CPQ: variants seen among roughly 807,000 people sequenced by gnomAD.
CPQ encodes the protein carboxypeptidase Q, also known as Ser-Met dipeptidase.
A neutral mutation model predicts 45.7 loss-of-function variants in CPQ; 37 were observed. That is an observed-to-expected ratio of 0.81 (90% CI 0.62 to 1.07). The LOEUF (loss-of-function observed/expected upper bound fraction) is 1.07, where lower values mean the gene tolerates loss of function less well. Among genes scored for constraint, CPQ ranks in the 50% least tolerant of loss-of-function variants. The probability of loss-of-function intolerance (pLI) is 0.00; values close to 1 mark genes in which losing one functional copy is unlikely to be tolerated. For synonymous variants in CPQ, 186 were observed against 205.8 expected, an observed-to-expected ratio of 0.90 and a Z score of 0.82; for missense variants, 537 against 572.9, an observed-to-expected ratio of 0.94 and a Z score of 0.64.
At chr8:96,645,678 A>T (rs994847589) in intron 1 of CPQ, among the ~76,000 whole-genome samples, 2 of 152,018 alleles carry the variant, frequency 1.3e-5, no homozygotes, top group African/African-American at 4.8e-5. Flanking sequence ...GCTGCGGGAC[A>T]GCAGCGAGCA....
Position 96,792,953 on chromosome 8 carries a change from C to T in CPQ, c.433+7623C>T, listed in dbSNP as rs146097831. Among the ~76,000 whole-genome samples, 140 of 152,058 alleles carry T rather than the reference C, an allele frequency of 9.2e-4. No individual in the cohort carries two copies. The East Asian group carries it at 0.02, about 22-fold the overall frequency. The stretch of plus-strand genomic sequence containing the variant: ...GCGGAAGGAGAGAATGAGTGGCAAG[C>T]GAAGGGGAAAGATGGTTATACAACC... On this transcript the variant is annotated intron_variant, in intron 2 of 7. Coordinates refer to ENST00000220763, the MANE Select transcript of CPQ (RefSeq NM_016134.4).
chr8:96,739,166 G>C (rs1287235620), intron 1 of CPQ, among the ~76,000 whole-genome samples: 4 of 146,878 alleles, frequency 2.7e-5, no homozygotes, highest in African/African-American at 1.0e-4. Context: ...ACTGGTGTGA[G>C]ATGGTATCTC....
chr8:96,962,787 A>G (rs1231508212), intron 4 of CPQ, among the ~76,000 whole-genome samples: 1 of 152,200 alleles, frequency 6.6e-6, no homozygotes, highest in African/African-American at 2.4e-5. Context: ...TATTTGGAAA[A>G]TTCAAGTTCA....
At chr8:96,804,793 G>C (rs1190681807) in intron 2 of CPQ, among the ~76,000 whole-genome samples, 1 of 150,922 alleles carries the variant, frequency 6.6e-6, no homozygotes, top group African/African-American at 2.4e-5. Flanking sequence ...AGTGACAAAA[G>C]TATTTACAAA....
chr8:96,775,257 T>C (rs961155291), intron 1 of CPQ, among the ~76,000 whole-genome samples: 4 of 152,224 alleles, frequency 2.6e-5, no homozygotes, highest in East Asian at 3.8e-4. Context: ...TTGTAATGCC[T>C]TCTTTATTAT....
chr8:96,908,138 G>C (rs865905552), intron 4 of CPQ, among the ~76,000 whole-genome samples: 222 of 132,938 alleles, frequency 1.7e-3, no homozygotes, highest in African/African-American at 6.0e-3. Context: ...GTGTGTGTGT[G>C]TGTGTCTGTG....
chr8:96,829,133 G>C (rs1811413565), intron 2 of CPQ, among the ~76,000 whole-genome samples: 1 of 152,046 alleles, frequency 6.6e-6, no homozygotes, highest in Non-Finnish European at 1.5e-5. Flanking sequence ...TTTGCTTGTG[G>C]CTTGTCCTCA....
At chr8:96,955,206 T>C (rs1450109348) in intron 4 of CPQ, among the ~76,000 whole-genome samples, 1 of 152,168 alleles carries the variant, frequency 6.6e-6, no homozygotes, top group Non-Finnish European at 1.5e-5. Context: ...TAGTTTACAG[T>C]CCCACCAACA....
intron 1 of CPQ, among the ~76,000 whole-genome samples, chr8:96,766,973 T>C (rs998450066): frequency 5.3e-5 from 8 of 152,188 alleles, no homozygotes; most frequent in Admixed American, 4.6e-4. Context: ...CACCTTCTTA[T>C]GTTGCAAATC....
intron 6 of CPQ, among the ~76,000 whole-genome samples, chr8:97,032,866 T>C (rs1809933459): frequency 6.6e-6 from 1 of 152,224 alleles, no homozygotes; most frequent in Non-Finnish European, 1.5e-5. Flanking sequence ...TTTTAAATAA[T>C]GTACTAAAAG....
intron 1 of CPQ, among the ~76,000 whole-genome samples, chr8:96,718,923 T>C (rs1809724472): frequency 6.6e-6 from 1 of 152,150 alleles, no homozygotes; most frequent in Non-Finnish European, 1.5e-5. Context: ...TTACAAACCT[T>C]GAGCTAGATA....
intron 7 of CPQ, among the ~76,000 whole-genome samples, chr8:97,124,565 T>G (rs1378095877): frequency 6.6e-6 from 1 of 152,178 alleles, no homozygotes; most frequent in Non-Finnish European, 1.5e-5. Context: ...GGATTAAAAT[T>G]ATATGAGGTC....
intron 7 of CPQ, among the ~76,000 whole-genome samples, chr8:97,111,731 G>T (rs749601665): frequency 6.6e-6 from 1 of 152,178 alleles, no homozygotes; most frequent in Non-Finnish European, 1.5e-5. Flanking sequence ...GCCTCATGTC[G>T]TCAGTGCAGG....
intron 2 of CPQ, among the ~76,000 whole-genome samples, chr8:96,826,172 C>T (rs1811376710): frequency 6.6e-6 from 1 of 152,030 alleles, no homozygotes; most frequent in Non-Finnish European, 1.5e-5. Context: ...GGTGTTAGAT[C>T]ACTTAACACT....
intron 7 of CPQ, among the ~76,000 whole-genome samples, chr8:97,106,098 G>A (rs934031030): frequency 6.6e-6 from 1 of 152,162 alleles, no homozygotes; most frequent in Non-Finnish European, 1.5e-5. Flanking sequence ...TGAATCAAGT[G>A]GATTACATAC....
intron 5 of CPQ, among the ~76,000 whole-genome samples, chr8:96,966,793 T>C (rs1813574404): frequency 1.3e-5 from 2 of 152,204 alleles, no homozygotes; most frequent in South Asian, 2.1e-4. Flanking sequence ...GTATATACAC[T>C]TTTACCATAA....
chr8:96,985,033 G>C (rs1235307839), intron 5 of CPQ, among the ~76,000 whole-genome samples: 1 of 152,022 alleles, frequency 6.6e-6, no homozygotes, highest in East Asian at 1.9e-4. Context: ...CGTTTACTTT[G>C]TTCCATCTTT....
intron 7 of CPQ, among the ~76,000 whole-genome samples, chr8:97,115,599 C>G (rs1811571700): frequency 6.6e-6 from 1 of 152,178 alleles, no homozygotes; most frequent in Non-Finnish European, 1.5e-5. Flanking sequence ...TTGATCAGTA[C>G]CTGACTTAGC....
intron 3 of CPQ, among the ~76,000 whole-genome samples, chr8:96,835,643 A>G (rs1811520159): frequency 6.6e-6 from 1 of 152,182 alleles, no homozygotes; most frequent in Non-Finnish European, 1.5e-5. Context: ...GAACTTGGAT[A>G]CAGACTTGGC....
Sources: gnomAD v4.1 joint callset for allele counts (sites outside exome capture counted in the v4.1 genomes callset) on GRCh38, gnomAD v4.1.1 for gene constraint, MANE v1.5 for transcripts, NCBI Gene and HGNC (gene_info 2026-07-23, HGNC 2026-07-21) for gene names.